The following KHDRBS3 variants were observed in gnomAD, a reference collection of about 807,000 sequenced individuals.
KHDRBS3 encodes KH domain-containing, RNA-binding, signal transduction-associated protein 3.
KHDRBS3 carries 23 observed loss-of-function variants against 45.6 expected under a neutral mutation model. The observed-to-expected ratio is 0.50, with a 90% CI of 0.36 to 0.72. KHDRBS3 has a LOEUF of 0.72. KHDRBS3 is among the 30% of genes least tolerant of loss of function. The probability of loss-of-function intolerance (pLI) is 0.00; values close to 1 mark genes in which losing one functional copy is unlikely to be tolerated. For missense variants in KHDRBS3, 352 were observed against 424.8 expected (o/e 0.83, Z 1.51); for synonymous variants, 162 against 156.5 (o/e 1.04, Z -0.26).
At position 135,647,087 on chromosome 8, in the gene KHDRBS3, G is replaced by T; in HGVS notation, c.*3G>T. 1 of 1,550,804 alleles carries T rather than the reference G, an allele frequency of 6.4e-7. No individual in the cohort carries two copies. The highest frequency in any genetic ancestry group is 8.9e-7 in the Non-Finnish European group (1 of 1,122,516). On this transcript the variant is annotated 3_prime_UTR_variant, in exon 9 of 9. Transcript: ENST00000355849. ...ACCAGCCATATGGCAGATACTGATT[G>T]TACTGTCTGATGTTGTGAAATAGCC...
chr8:135,635,209 T>A (rs190177341), intron 7 of KHDRBS3, among the ~76,000 whole-genome samples: 1 of 152,298 alleles, frequency 6.6e-6, no homozygotes, highest in Non-Finnish European at 1.5e-5. Context: ...ATGGTAAAAA[T>A]TGTGGATTCT....
chr8:135,594,543 G>T, intron 6 of KHDRBS3, among the ~76,000 whole-genome samples: 1 of 152,306 alleles, frequency 6.6e-6, no homozygotes, highest in South Asian at 2.1e-4. Context: ...TTGCCATGTG[G>T]AAAGTACTTG....
chr8:135,557,284 A>T (rs1488114396), intron 4 of KHDRBS3, among the ~76,000 whole-genome samples, 164 bp from the exon 5 acceptor site: 2 of 152,184 alleles, frequency 1.3e-5, no homozygotes, highest in African/African-American at 4.8e-5. Context: ...CTTTTTTACA[A>T]GAATTTATTA....
chr8:135,612,948 A>G (rs1214142204), intron 7 of KHDRBS3, among the ~76,000 whole-genome samples: 1 of 151,828 alleles, frequency 6.6e-6, no homozygotes, highest in Non-Finnish European at 1.5e-5. Context: ...CTTTTTTTAC[A>G]TGTGGCTACT....
chr8:135,579,315 T>A (rs964335893), intron 5 of KHDRBS3, among the ~76,000 whole-genome samples: 1 of 152,194 alleles, frequency 6.6e-6, no homozygotes, highest in Non-Finnish European at 1.5e-5. Context: ...CAATTCAATA[T>A]GTTGCAGGTT....
chr8:135,584,052 C>A (rs1828340846), intron 6 of KHDRBS3, among the ~76,000 whole-genome samples: 1 of 151,986 alleles, frequency 6.6e-6, no homozygotes, highest in African/African-American at 2.4e-5. Context: ...GGATAATGGC[C>A]CTGTAGAAGA....
At chr8:135,607,837 G>T (rs1829534058) in intron 7 of KHDRBS3, among the ~76,000 whole-genome samples, 1 of 152,178 alleles carries the variant, frequency 6.6e-6, no homozygotes, top group African/African-American at 2.4e-5. Context: ...TGCCAGTCAA[G>T]CTTTGCACAC....
intron 2 of KHDRBS3, among the ~76,000 whole-genome samples, chr8:135,528,604 C>T (rs537084005): frequency 6.6e-6 from 1 of 152,318 alleles, no homozygotes; most frequent in East Asian, 1.9e-4. Context: ...TTTGTATCCA[C>T]AGTGCCAAAA....
chr8:135,491,411 AAAAGG>A (rs1823144017), intron 1 of KHDRBS3, among the ~76,000 whole-genome samples: 1 of 152,238 alleles, frequency 6.6e-6, no homozygotes, highest in Non-Finnish European at 1.5e-5. Context: ...CACACCAAAA[AAAAGG>A]AAAGAAAAAA....
intron 4 of KHDRBS3, chr8:135,549,623 A>G (rs1451086147): frequency 3.3e-5 from 5 of 152,210 alleles, no homozygotes; most frequent in Admixed American, 2.0e-4. Context: ...TGTCATTTGC[A>G]TGCTCTTGAT....
intron 6 of KHDRBS3, among the ~76,000 whole-genome samples, chr8:135,587,272 A>G (rs913738835): frequency 3.9e-5 from 6 of 152,186 alleles, no homozygotes; most frequent in South Asian, 2.1e-4. Flanking sequence ...TATCATTGAG[A>G]TGAACATCTG....
At chr8:135,532,322 A>G (rs1377937073) in intron 2 of KHDRBS3, among the ~76,000 whole-genome samples, 1 of 152,210 alleles carries the variant, frequency 6.6e-6, no homozygotes, top group Non-Finnish European at 1.5e-5. Flanking sequence ...TTTCAAGAGG[A>G]TAAAGGGAAA....
At position 135,589,359 on chromosome 8, in the gene KHDRBS3, C is replaced by G. The variant is rs1828635110; in HGVS notation, c.807+7286C>G. Among the ~76,000 whole-genome samples the G allele has an allele frequency of 2.0e-5, 3 of 152,148 alleles. No individual in the cohort carries two copies. In the South Asian group the frequency reaches 6.2e-4, roughly 32 times the overall value. On this transcript the variant is annotated intron_variant, in intron 6 of 8. Coordinates refer to ENST00000355849, the MANE Select transcript of KHDRBS3 (RefSeq NM_006558.3). Reference sequence around the variant, plus strand: ...AGCTAGTTGAAAATTCTAGAAGGATCTTAGTCTCTTCAGGATAAAGTTGAG... The same window carrying G: ...AGCTAGTTGAAAATTCTAGAAGGATGTTAGTCTCTTCAGGATAAAGTTGAG...
chr8:135,599,762 G>A (rs1041930975), intron 6 of KHDRBS3, among the ~76,000 whole-genome samples: 1 of 152,230 alleles, frequency 6.6e-6, no homozygotes, highest in Non-Finnish European at 1.5e-5. Flanking sequence ...GACGCAGGAA[G>A]GAGAGAGGGA....
At chr8:135,598,997 T>A (rs1365276378) in intron 6 of KHDRBS3, among the ~76,000 whole-genome samples, 1 of 152,244 alleles carries the variant, frequency 6.6e-6, no homozygotes, top group Non-Finnish European at 1.5e-5. Context: ...TTCCTGAGTT[T>A]AAATGTGAGT....
chr8:135,560,820 G>A (rs1035636359), intron 5 of KHDRBS3, among the ~76,000 whole-genome samples: 4 of 152,164 alleles, frequency 2.6e-5, no homozygotes, highest in Non-Finnish European at 4.4e-5. Context: ...GTGGAGTAAT[G>A]ATTGGTTCAG....
At position 135,548,606 on chromosome 8, in the gene KHDRBS3, T is replaced by G. The variant is rs1021941196; in HGVS notation, c.325-148T>G. 3 of 548,756 alleles carry G rather than the reference T, an allele frequency of 5.5e-6. No homozygotes were observed. In the African/African-American group the frequency reaches 5.9e-5, roughly 11 times the overall value. 34.0% of individuals were successfully genotyped at this position (548,756 alleles called of 1,614,324 possible). On this transcript the variant is annotated intron_variant, in intron 3 of 8. Transcript: ENST00000355849. ...AGGATCACATTTATAGCTTAAACCT[T>G]CTTTTTTAGAGTAGTGTCTACTGTG...
chr8:135,555,596 ATTTG>A (rs745697832), intron 4 of KHDRBS3, among the ~76,000 whole-genome samples: 79 of 151,960 alleles, frequency 5.2e-4, no homozygotes, highest in Admixed American at 5.3e-4. Flanking sequence ...TTTATTTTTT[ATTTG>A]TTTATTTGTT....
chr8:135,566,039 A>G (rs2130866302), intron 5 of KHDRBS3, among the ~76,000 whole-genome samples: 2 of 152,362 alleles, frequency 1.3e-5, no homozygotes. Flanking sequence ...CATGTGCCAG[A>G]AATTTCATAT....
Sources: allele counts gnomAD v4.1 joint callset (sites outside exome capture counted in the v4.1 genomes callset), GRCh38; gene constraint gnomAD v4.1.1; transcripts MANE v1.5; gene names NCBI Gene and HGNC (gene_info 2026-07-23, HGNC 2026-07-21).